The following FSTL5 variants were observed in gnomAD, a reference collection of about 807,000 sequenced individuals.
FSTL5 encodes follistatin like 5.
A neutral mutation model predicts 89.1 loss-of-function variants in FSTL5; 62 were observed. The ratio of observed to expected loss-of-function variants is 0.70; its 90% CI spans 0.57 to 0.86. The LOEUF (loss-of-function observed/expected upper bound fraction) is 0.86, where lower values mean the gene tolerates loss of function less well. Ranked by LOEUF, FSTL5 falls within the 40% of genes least tolerant of loss-of-function variation. FSTL5 has a pLI of 0.00. For synonymous variants in FSTL5, 383 were observed against 346.2 expected (o/e 1.11, Z -1.18); for missense variants, 1,057 against 1,001.6 (o/e 1.06, Z -0.75).
At chr4:161,912,618 T>C (rs1213245925) in intron 4 of FSTL5, among the ~76,000 whole-genome samples, 1 of 152,196 alleles carries the variant, frequency 6.6e-6, no homozygotes, top group Non-Finnish European at 1.5e-5. Context: ...CTTCCCAGTC[T>C]CGGGTATGTC....
intron 8 of FSTL5, among the ~76,000 whole-genome samples, chr4:161,569,754 CACAA>C (rs1427198886): frequency 4.6e-4 from 19 of 40,998 alleles, no homozygotes; most frequent in African/African-American, 1.2e-3. Flanking sequence ...AAGTCCAACA[CACAA>C]ACACACACAC....
chr4:161,509,421 G>A (rs1254362054), intron 11 of FSTL5, among the ~76,000 whole-genome samples: 2 of 152,058 alleles, frequency 1.3e-5, no homozygotes, highest in African/African-American at 4.8e-5. Context: ...AGAGGGTATA[G>A]TTATACCAGA....
intron 6 of FSTL5, among the ~76,000 whole-genome samples, chr4:161,756,924 G>T (rs554871604): frequency 6.8e-4 from 103 of 152,212 alleles, no homozygotes; most frequent in Non-Finnish European, 1.1e-3. Flanking sequence ...TCCAAGCATG[G>T]CTGTAGAAGT....
intron 4 of FSTL5, among the ~76,000 whole-genome samples, chr4:161,793,060 C>T (rs147294230): frequency 8.4e-4 from 128 of 152,336 alleles, no homozygotes; most frequent in African/African-American, 3.0e-3. Flanking sequence ...TTTCCCTCAT[C>T]CATATGCAGT....
chr4:161,877,711 A>T (rs980294893), intron 4 of FSTL5, among the ~76,000 whole-genome samples: 1 of 151,852 alleles, frequency 6.6e-6, no homozygotes, highest in Non-Finnish European at 1.5e-5. Context: ...CTGTAGTCCC[A>T]GCTACTCGGG....
intron 6 of FSTL5, among the ~76,000 whole-genome samples, chr4:161,700,718 G>A (rs939412627): frequency 6.6e-6 from 1 of 151,932 alleles, no homozygotes; most frequent in Non-Finnish European, 1.5e-5. Context: ...CTGACAATCT[G>A]CTAAGAATTT....
At chr4:162,147,943 T>C (rs749421348) in intron 1 of FSTL5, among the ~76,000 whole-genome samples, 7 of 152,090 alleles carry the variant, frequency 4.6e-5, no homozygotes, top group Non-Finnish European at 7.4e-5. Context: ...AGACAGAGGT[T>C]GCAGTGAACT....
At chr4:161,573,139 G>A (rs997189305) in intron 8 of FSTL5, among the ~76,000 whole-genome samples, 1 of 152,114 alleles carries the variant, frequency 6.6e-6, no homozygotes, top group Non-Finnish European at 1.5e-5. Context: ...GTCAGGCGTG[G>A]TGGCCCACGC....
rs544026321 is a variant in FSTL5, at chr4:161,449,725, A to G, written c.1841+5279T>C. 1.3e-4 allele frequency among the ~76,000 whole-genome samples: 20 copies of G among 152,304 alleles called. No individual in the cohort carries two copies. The East Asian group carries it at 3.5e-3, about 26-fold the overall frequency. ...AGGTGCTACAAAGTGCAGGTTATACATAATACATCTTTTTTTTTTCATCAA... is the reference window on the plus strand; with the variant it reads ...AGGTGCTACAAAGTGCAGGTTATACGTAATACATCTTTTTTTTTTCATCAA... On this transcript the variant is annotated intron_variant, in intron 15 of 15. Coordinates refer to ENST00000306100, the MANE Select transcript of FSTL5 (RefSeq NM_020116.5).
intron 7 of FSTL5, among the ~76,000 whole-genome samples, chr4:161,596,139 A>T (rs1467375768): frequency 6.6e-6 from 1 of 151,996 alleles, no homozygotes; most frequent in Non-Finnish European, 1.5e-5. Flanking sequence ...ACAGTAGACA[A>T]GATTTTCTAG....
intron 12 of FSTL5, among the ~76,000 whole-genome samples, chr4:161,497,089 C>A (rs1255653985): frequency 6.6e-6 from 1 of 152,094 alleles, no homozygotes; most frequent in Non-Finnish European, 1.5e-5. Context: ...GAAAATATTA[C>A]CTTCATGTAA....
At chr4:161,503,101 TAGAC>T (rs1730355978) in intron 11 of FSTL5, among the ~76,000 whole-genome samples, 1 of 151,788 alleles carries the variant, frequency 6.6e-6, no homozygotes, top group Non-Finnish European at 1.5e-5. Context: ...GTGAGAATGT[TAGAC>T]AGTGTGATAA....
chr4:162,068,200 A>G (rs1729425708), intron 2 of FSTL5, among the ~76,000 whole-genome samples: 1 of 152,132 alleles, frequency 6.6e-6, no homozygotes, highest in African/African-American at 2.4e-5. Flanking sequence ...AGAAAAAACT[A>G]TTTTAAATTT....
At chr4:162,091,658 G>C (rs1730554287) in intron 2 of FSTL5, among the ~76,000 whole-genome samples, 1 of 151,786 alleles carries the variant, frequency 6.6e-6, no homozygotes, top group African/African-American at 2.4e-5. Flanking sequence ...TTTTAAGTTT[G>C]TTTGTCCTCT....
Position 161,734,745 on chromosome 4 carries a change from G to C in FSTL5, c.727+24666C>G, listed in dbSNP as rs1258266955. Among the ~76,000 whole-genome samples, 10 of 152,262 alleles carry C rather than the reference G, an allele frequency of 6.6e-5. No homozygotes were observed. The South Asian group carries it at 2.1e-3, about 32-fold the overall frequency. ...TGTCACACCAAAGCAATCAACACAG[G>C]AGACATTTGTGACCAATATCTAGGG... On this transcript the variant is annotated intron_variant, in intron 6 of 15. Transcript: ENST00000306100.
chr4:162,149,190 C>A lies in FSTL5; in HGVS notation c.-17+14425G>T, dbSNP rs558009652. Among the ~76,000 whole-genome samples, 8 of 152,036 alleles carry A rather than the reference C, an allele frequency of 5.3e-5. No individual in the cohort carries two copies. The East Asian group carries it at 1.6e-3, about 30-fold the overall frequency. ...GAAGTGTTGAGTAATTGAAATGAAA[C>A]CCATACAAAAGATTCTTCCCACTAA... On this transcript the variant is annotated intron_variant, in intron 1 of 15. Coordinates refer to ENST00000306100, the MANE Select transcript of FSTL5 (RefSeq NM_020116.5).
intron 7 of FSTL5, among the ~76,000 whole-genome samples, chr4:161,647,517 G>GT (rs202176687): frequency 7.5e-6 from 1 of 133,462 alleles, no homozygotes; most frequent in Admixed American, 7.6e-5. Context: ...CTTTTATTTC[G>GT]TTTAAAAAAA....
intron 4 of FSTL5, among the ~76,000 whole-genome samples, chr4:161,909,799 G>A (rs1451956254): frequency 6.6e-6 from 1 of 151,974 alleles, no homozygotes; most frequent in Non-Finnish European, 1.5e-5. Context: ...CACATCCAGA[G>A]GCTCTACTCC....
At position 161,717,631 on chromosome 4, in the gene FSTL5, C is replaced by A. The variant is rs146930706; in HGVS notation, c.727+41780G>T. Among the ~76,000 whole-genome samples the A allele has an allele frequency of 4.8e-3, 737 of 152,226 alleles. 4 individuals are homozygous for A. The highest frequency in any genetic ancestry group is 0.017 in the African/African-American group (709 of 41,528). ...GTCCACTTGATGGAAGGATACACTTCTTGTGATCAGCTAGATGTGGGTTAA... is the reference window on the plus strand; with the variant it reads ...GTCCACTTGATGGAAGGATACACTTATTGTGATCAGCTAGATGTGGGTTAA... On this transcript the variant is annotated intron_variant, in intron 6 of 15. Coordinates refer to ENST00000306100, the MANE Select transcript of FSTL5 (RefSeq NM_020116.5).
Sources: gnomAD v4.1 joint callset for allele counts (sites outside exome capture counted in the v4.1 genomes callset) on GRCh38, gnomAD v4.1.1 for gene constraint, MANE v1.5 for transcripts, NCBI Gene and HGNC (gene_info 2026-07-23, HGNC 2026-07-21) for gene names.